The following UNC45B variants were observed in gnomAD, a reference collection of about 807,000 sequenced individuals.
The protein encoded by UNC45B is unc-45 myosin chaperone B.
UNC45B carries 78 observed loss-of-function variants against 98.7 expected under a neutral mutation model. The ratio of observed to expected loss-of-function variants is 0.79; its 90% CI spans 0.66 to 0.95. The LOEUF is 0.95. UNC45B is among the 40% of genes least tolerant of loss of function. UNC45B has a pLI of 0.00. For missense variants in UNC45B, 1,225 were observed against 1,184.9 expected (o/e 1.03, Z -0.50); for synonymous variants, 462 against 480.4 (o/e 0.96, Z 0.50).
chr17:35,155,221 ACAC>A lies in UNC45B; in HGVS notation c.640-73_640-71del. ...ATGGGATAGGGTGGGGAGGATTATCACACCCTCTCTAACCTGCATGGCAGCTAG... is the reference window on the plus strand; with the variant it reads ...ATGGGATAGGGTGGGGAGGATTATCACCTCTCTAACCTGCATGGCAGCTAG... On this transcript the variant is annotated intron_variant, in intron 6 of 19. Transcript: ENST00000394570. 2.6e-6 allele frequency: 4 copies of A among 1,543,536 alleles called. No homozygotes were observed. The East Asian group carries it at 6.8e-5, about 26-fold the overall frequency.
At position 35,176,034 on chromosome 17, in the gene UNC45B, G is replaced by A. The variant is rs866278049; in HGVS notation, c.2025G>A (p.Lys675=). The change falls in exon 15 of 20, where the codon AAG becomes AAA. Residue 675 remains lysine (K), a splice_region_variant and synonymous_variant. Transcript: ENST00000394570. ...RGTIVAQGGG[K]ALIPLALEGT... is the part of the protein sequence containing the mutation. ...CCATTGTGGCTCAAGGTGGTGGCAA[G>A]GTAACTGGGCAGGTGCCTTCCTAGA... 1 of 1,614,180 alleles carries A rather than the reference G, an allele frequency of 6.2e-7. No homozygotes were observed. Among genetic ancestry groups the A allele is most frequent in the African/African-American group, 1.3e-5 (1 of 75,050 alleles).
intron 8 of UNC45B, among the ~76,000 whole-genome samples, chr17:35,163,302 A>G (rs2092114625): frequency 6.6e-6 from 1 of 152,078 alleles, no homozygotes; most frequent in African/African-American, 2.4e-5. Flanking sequence ...AGTTTTCCCT[A>G]TTGTATTGTG....
chr17:35,181,447 A>T (rs990320448), intron 18 of UNC45B, among the ~76,000 whole-genome samples: 1 of 152,078 alleles, frequency 6.6e-6, no homozygotes, highest in Non-Finnish European at 1.5e-5. Flanking sequence ...TACCCTCAAC[A>T]CCTGAACCTT....
intron 19 of UNC45B, among the ~76,000 whole-genome samples, chr17:35,184,222 G>A (rs756578985): frequency 6.6e-6 from 1 of 152,216 alleles, no homozygotes; most frequent in Non-Finnish European, 1.5e-5. Flanking sequence ...ATCAGCGGGT[G>A]TGTTCTCTAA....
At chr17:35,154,987 C>G (rs2092048265) in intron 6 of UNC45B, among the ~76,000 whole-genome samples, 1 of 152,240 alleles carries the variant, frequency 6.6e-6, no homozygotes, top group Non-Finnish European at 1.5e-5. Flanking sequence ...CATGCTAAGT[C>G]TTTGAAACCC....
At position 35,152,988 on chromosome 17, in the gene UNC45B, T is replaced by G. The variant is rs759038372; in HGVS notation, c.471+6T>G. ...AGGCTGATAAGCGGGAAAAGGTGAG[T>G]GCTGGCCAGTGCCATCCAGCCAGCA... On this transcript the variant is annotated splice_donor_region_variant and intron_variant, in intron 5 of 19. Transcript: ENST00000394570. 8.7e-6 allele frequency: 14 copies of G among 1,602,224 alleles called. No homozygotes were observed.
intron 13 of UNC45B, among the ~76,000 whole-genome samples, chr17:35,172,939 G>A (rs756116954): frequency 2.6e-5 from 4 of 152,112 alleles, no homozygotes; most frequent in Non-Finnish European, 4.4e-5. Flanking sequence ...CAGCTCCTCA[G>A]GCTCTGTCTT....
intron 8 of UNC45B, among the ~76,000 whole-genome samples, chr17:35,162,723 G>C (rs1014858874): frequency 3.3e-5 from 5 of 152,142 alleles, no homozygotes; most frequent in Admixed American, 1.3e-4. Flanking sequence ...TGGGATTACA[G>C]GTGCCCGCCA....
At chr17:35,177,270 G>A (rs1453733669) in intron 16 of UNC45B, 140 bp downstream of exon 16, 2 of 843,270 alleles carry the variant, frequency 2.4e-6, no homozygotes, top group East Asian at 5.4e-5. Flanking sequence ...GAGGCACCTG[G>A]ATTCCAGGCC....
intron 15 of UNC45B, 43 bp from the exon 16 acceptor site, chr17:35,176,974 C>T: frequency 6.5e-7 from 1 of 1,529,190 alleles, no homozygotes; most frequent in Non-Finnish European, 9.0e-7. Flanking sequence ...CGAGAAGCCT[C>T]TGGATGTCTG....
rs757540226 is a variant in UNC45B, at chr17:35,148,338, C to A, written c.75C>A (p.Ala25=). The A allele has an allele frequency of 1.9e-6, 3 of 1,614,172 alleles. No homozygotes were observed. The East Asian group carries it at 6.7e-5, about 36-fold the overall frequency. ...RHFQLQDYKA[A]TNSYSQALKL... is the part of the protein sequence containing the mutation. ...TCCAGCTCCAGGACTACAAGGCCGC[C>A]ACAAATAGCTACAGCCAGGCCCTGA... The change falls in exon 2 of 20, where the codon GCC becomes GCA. Residue 25 remains alanine (A), a synonymous_variant. Transcript: ENST00000394570.
intron 18 of UNC45B, among the ~76,000 whole-genome samples, chr17:35,181,787 T>C (rs2092275374): frequency 1.4e-5 from 1 of 71,334 alleles, no homozygotes; most frequent in Non-Finnish European, 2.9e-5. Context: ...CAAGACTGCA[T>C]CTCAAAAAAA....
chr17:35,164,302 T>A, intron 9 of UNC45B, 136 bp downstream of exon 9: 1 of 1,076,702 alleles, frequency 9.3e-7, no homozygotes, highest in Non-Finnish European at 1.3e-6. Context: ...TTGGGAGTGG[T>A]TTGGCTGGGT....
chr17:35,175,060 GAA>G (rs2092219857), intron 14 of UNC45B, among the ~76,000 whole-genome samples: 1 of 110,058 alleles, frequency 9.1e-6, no homozygotes, highest in Non-Finnish European at 2.0e-5. Flanking sequence ...AGAAAGGAAA[GAA>G]GAAAGAAAGA....
At chr17:35,153,708 T>A (rs1420131023) in intron 5 of UNC45B, among the ~76,000 whole-genome samples, 2 of 151,778 alleles carry the variant, frequency 1.3e-5, no homozygotes, top group African/African-American at 2.4e-5. Context: ...TTTTGTTTAT[T>A]TGGTTTTTTT....
chr17:35,166,975 G>A (rs1022266586), intron 9 of UNC45B: 1 of 152,296 alleles, frequency 6.6e-6, no homozygotes, highest in African/African-American at 2.4e-5. Flanking sequence ...CAGAAGGCAT[G>A]TCACCTCTGA....
At chr17:35,155,604 CT>C in intron 7 of UNC45B, 140 bp downstream of exon 7, 1 of 866,582 alleles carries the variant, frequency 1.2e-6, no homozygotes, top group Non-Finnish European at 1.8e-6. Context: ...GAGATGGGGT[CT>C]TACTCTGTCA....
chr17:35,168,469 C>G, intron 10 of UNC45B, 108 bp downstream of exon 10: 1 of 989,934 alleles, frequency 1.0e-6, no homozygotes. Flanking sequence ...AGACCAGGTT[C>G]AAGGGGGCAC....
chr17:35,151,184 TG>T, intron 4 of UNC45B: 1 of 302,310 alleles, frequency 3.3e-6, no homozygotes, highest in South Asian at 2.7e-5. Context: ...GAGGGAATCC[TG>T]GTTAGTTTCT....
Sources: allele counts gnomAD v4.1 joint callset (sites outside exome capture counted in the v4.1 genomes callset), GRCh38; gene constraint gnomAD v4.1.1; transcripts MANE v1.5; gene names NCBI Gene and HGNC (gene_info 2026-07-23, HGNC 2026-07-21).